SYNE1: variants seen among roughly 807,000 people sequenced by gnomAD.
SYNE1 encodes the protein spectrin repeat containing nuclear envelope protein 1.
In SYNE1, 616 loss-of-function variants were observed where a neutral mutation model predicts 1,111.0. The observed-to-expected ratio is 0.55, with a 90% CI of 0.52 to 0.59. The LOEUF (loss-of-function observed/expected upper bound fraction) is 0.59. Among genes scored for constraint, SYNE1 ranks in the 20% least tolerant of loss-of-function variants. The pLI, the probability that SYNE1 is intolerant of heterozygous loss-of-function variation, is 0.00. For synonymous variants in SYNE1, 3,855 were observed against 3,825.8 expected (o/e 1.01, Z -0.28); for missense variants, 10,006 against 10,417.0 (o/e 0.96, Z 1.72).
In SYNE1 at chr6:152,148,306, G is replaced by A. The variant is rs1271873939; in HGVS notation, c.24715C>T (p.His8239Tyr). 1 of 1,613,992 alleles carries A rather than the reference G, an allele frequency of 6.2e-7. No homozygotes were observed. Residue 8239 changes from histidine to tyrosine, a missense_variant, in exon 137 of 146, where the codon CAC becomes TAC. Transcript: ENST00000367255. This position sits in a 1 kb window ranked among gnomAD's most constrained non-coding sequence, Gnocchi z 4.1. ...CTGTCTGCAGAGCGGTCGTGCCAGT[G>A]CAGGTCCGACAGAGCTGCAGAGTCT... is the stretch of plus-strand genomic sequence containing the variant. ...LEDSAALSDL[H>Y]WHDRSADSLL...
intron 8 of SYNE1, among the ~76,000 whole-genome samples, chr6:152,509,151 A>G (rs1193373180): frequency 6.6e-6 from 1 of 152,132 alleles, no homozygotes; most frequent in East Asian, 1.9e-4. Flanking sequence ...CCCTGATCAC[A>G]TCAGACTACA....
chr6:152,265,649 G>A (rs1185177816), intron 100 of SYNE1, among the ~76,000 whole-genome samples: 3 of 152,082 alleles, frequency 2.0e-5, no homozygotes, highest in Non-Finnish European at 4.4e-5. Flanking sequence ...ATTGACACAC[G>A]TACAACACCA....
intron 126 of SYNE1, 27 bp from the exon 127 acceptor site, chr6:152,201,976 A>G (rs1279001762): frequency 6.2e-7 from 1 of 1,612,710 alleles, no homozygotes; most frequent in Admixed American, 1.7e-5. Context: ...AACAAATAGC[A>G]TAGATGTTTT....
intron 137 of SYNE1, chr6:152,146,286 T>C (rs751459646): frequency 6.6e-6 from 1 of 152,234 alleles, no homozygotes; most frequent in Non-Finnish European, 1.5e-5. Context: ...ATGTGAACTA[T>C]ATATGTAATC....
chr6:152,322,960 G>A (rs1554443946), intron 82 of SYNE1, among the ~76,000 whole-genome samples: 1 of 152,158 alleles, frequency 6.6e-6, no homozygotes, highest in Non-Finnish European at 1.5e-5. Flanking sequence ...CGGCATGAAG[G>A]TAGACACTGA....
intron 3 of SYNE1, among the ~76,000 whole-genome samples, chr6:152,563,410 G>A (rs1564871103): frequency 2.0e-5 from 3 of 151,904 alleles, no homozygotes; most frequent in African/African-American, 4.8e-5. Flanking sequence ...TGCTCATATC[G>A]ATTTATAAAA....
At chr6:152,186,594 A>G (rs866215947) in intron 128 of SYNE1, among the ~76,000 whole-genome samples, 80 of 128,020 alleles carry the variant, frequency 6.2e-4, no homozygotes, top group Middle Eastern at 4.0e-3. Context: ...AAAAAAAAAA[A>G]AAGAAGAAGA....
chr6:152,447,660 T>C (rs756136501), intron 28 of SYNE1, 38 bp from the exon 29 acceptor site: 7 of 1,613,460 alleles, frequency 4.3e-6, no homozygotes, highest in Non-Finnish European at 5.9e-6. Context: ...CACAGTGCAA[T>C]TGTGAAATCA....
Position 152,330,513 on chromosome 6 carries a change from C to T in SYNE1, c.14172G>A (p.Ala4724=), listed in dbSNP as rs200419328. 1.5e-5 allele frequency: 24 copies of T among 1,614,080 alleles called. No individual in the cohort carries two copies. The highest frequency in any genetic ancestry group is 4.0e-5 in the African/African-American group (3 of 75,014). ...GTTCATCCACCGCCTCCCCAAGGCC[C>T]GCCACCTCGTCCAGAATGGCTCTGC... ...DGCRAILDEV[A]GLGEAVDELN... Residue 4724 remains alanine (A), a synonymous_variant, in exon 78 of 146, where the codon GCG becomes GCA. Coordinates refer to ENST00000367255, the MANE Select transcript of SYNE1 (RefSeq NM_182961.4).
At chr6:152,355,076 A>T in intron 66 of SYNE1, 100 bp from the exon 67 acceptor site, 1 of 1,307,420 alleles carries the variant, frequency 7.6e-7, no homozygotes, top group Non-Finnish European at 1.1e-6. Context: ...TGAACTTCTC[A>T]TTAGAAAAAA....
chr6:152,357,992 C>T (rs2096866940), intron 66 of SYNE1, among the ~76,000 whole-genome samples: 1 of 152,166 alleles, frequency 6.6e-6, no homozygotes, highest in African/African-American at 2.4e-5. Context: ...CAAGATATTG[C>T]CACTAGTTTG....
chr6:152,446,415 A>G (rs564581311), intron 29 of SYNE1, among the ~76,000 whole-genome samples: 1 of 152,290 alleles, frequency 6.6e-6, no homozygotes, highest in Non-Finnish European at 1.5e-5. Flanking sequence ...TAATTTATAT[A>G]TAAAAATTCT....
chr6:152,164,476 A>G, intron 130 of SYNE1, 151 bp from the exon 131 acceptor site: 1 of 920,548 alleles, frequency 1.1e-6, no homozygotes, highest in Middle Eastern at 3.3e-4. Flanking sequence ...ACAAAGGAGG[A>G]TAGAAATTAG....
chr6:152,443,231 G>T (rs1012810859), intron 30 of SYNE1, among the ~76,000 whole-genome samples: 1 of 152,092 alleles, frequency 6.6e-6, no homozygotes, highest in African/African-American at 2.4e-5. Context: ...ATTTCACAAT[G>T]ATTGAGAACA....
At chr6:152,359,258 G>T in intron 65 of SYNE1, 57 bp downstream of exon 65, 1 of 1,610,074 alleles carries the variant, frequency 6.2e-7, no homozygotes, top group East Asian at 2.2e-5. Flanking sequence ...CTTTAAAGGA[G>T]CACAGCTCCA....
At chr6:152,466,393 A>C (rs916335248) in intron 16 of SYNE1, among the ~76,000 whole-genome samples, 9 of 152,148 alleles carry the variant, frequency 5.9e-5, no homozygotes, top group African/African-American at 9.7e-5. Context: ...GAAAGCACTA[A>C]ATTTAGAAGA....
Position 152,255,737 on chromosome 6 carries a change from C to A in SYNE1, c.19114G>T (p.Ala6372Ser), listed in dbSNP as rs769911507. Reference protein sequence around the residue: ...FEEVSSQSGGAKRQSIHLEQK... With the variant: ...FEEVSSQSGGSKRQSIHLEQK... The stretch of plus-strand genomic sequence containing the variant: ...TCCAAGTGTATACTCTGCCTCTTTG[C>A]CCCTCCACTCTGGGAAACACAAAAC... The change falls in exon 103 of 146, where the codon GCA becomes TCA. Residue 6372 changes from alanine (A) to serine (S), a missense_variant. By Grantham distance (99) the Ala-to-Ser change is moderately conservative (BLOSUM62 1). Around this residue, in one of 7 missense-constraint regions of SYNE1, gnomAD observed 2,182 missense variants for 2,287.8 expected, o/e 0.95. Coordinates refer to ENST00000367255, the MANE Select transcript of SYNE1 (RefSeq NM_182961.4). The A allele has an allele frequency of 1.2e-5, 20 of 1,614,064 alleles. No homozygotes were observed. The South Asian group carries it at 1.8e-4, about 14-fold the overall frequency.
chr6:152,145,473 CTTG>C lies in SYNE1; in HGVS notation c.24977-1711_24977-1709del, dbSNP rs2059313294. 2 of 1,613,116 alleles carry C rather than the reference CTTG, an allele frequency of 1.2e-6. No individual in the cohort carries two copies. Among genetic ancestry groups the C allele is most frequent in the African/African-American group, 1.3e-5 (1 of 74,856 alleles). On this transcript the variant is annotated intron_variant, in intron 137 of 145. Transcript: ENST00000367255. Reference sequence around the variant, plus strand: ...GGGGAGGGAGGGAGGCTGGCTCCGGCTTGTTGTGCCTACCGGAGGTATTTTTGA... The same window carrying C: ...GGGGAGGGAGGGAGGCTGGCTCCGGCTTGTGCCTACCGGAGGTATTTTTGA...
At chr6:152,139,613 A>G (rs2057949907) in intron 140 of SYNE1, among the ~76,000 whole-genome samples, 4 of 144,372 alleles carry the variant, frequency 2.8e-5, no homozygotes, top group East Asian at 4.1e-4. Flanking sequence ...GGGAGGGGGG[A>G]GAGAGGAAGG....
Sources: allele counts gnomAD v4.1 joint callset (sites outside exome capture counted in the v4.1 genomes callset), GRCh38; gene constraint gnomAD v4.1.1; regional missense constraint gnomAD v4.1.1; non-coding constraint Gnocchi (gnomAD v3.1); transcripts MANE v1.5; gene names NCBI Gene and HGNC (gene_info 2026-07-23, HGNC 2026-07-21).